The following SNX18 variants were observed in gnomAD, a reference collection of about 807,000 sequenced individuals.
SNX18 encodes sorting nexin-18.
Under a neutral mutation model 48.7 loss-of-function variants are expected in SNX18, and 35 were observed. The ratio of observed to expected loss-of-function variants is 0.72; its 90% CI spans 0.55 to 0.95. SNX18 has a LOEUF of 0.95. Ranked by LOEUF, SNX18 falls within the 40% of genes least tolerant of loss-of-function variation. The pLI is 0.00. For missense variants in SNX18, 824 were observed against 871.0 expected (o/e 0.95, Z 0.68); for synonymous variants, 492 against 384.7 (o/e 1.28, Z -3.26).
the SNX18 span, among the ~76,000 whole-genome samples, chr5:54,632,623 C>T: frequency 3.9e-5 from 6 of 152,190 alleles, no homozygotes; most frequent in South Asian, 2.1e-4. Flanking sequence ...AGACACACAC[C>T]GGGAGCTGTG....
the SNX18 span, among the ~76,000 whole-genome samples, chr5:54,622,741 A>G: frequency 7.2e-5 from 11 of 151,836 alleles, no homozygotes; most frequent in South Asian, 2.3e-3. Flanking sequence ...GTCTATTTAC[A>G]TCTATTAATT....
At chr5:54,524,578 A>G (rs1380803248) in intron 1 of SNX18, among the ~76,000 whole-genome samples, 1 of 152,254 alleles carries the variant, frequency 6.6e-6, no homozygotes, top group African/African-American at 2.4e-5. Context: ...ATAAAAAACT[A>G]TTATTGTATT....
chr5:54,567,125 T>G, the SNX18 span, among the ~76,000 whole-genome samples: 1 of 152,160 alleles, frequency 6.6e-6, no homozygotes, highest in Admixed American at 6.5e-5. Context: ...AATCAAATTT[T>G]GCTAGCTTGG....
chr5:54,586,917 T>C, the SNX18 span, among the ~76,000 whole-genome samples: 1 of 151,748 alleles, frequency 6.6e-6, no homozygotes, highest in Non-Finnish European at 1.5e-5. Context: ...GTCTCACAAA[T>C]ACAGCAGAGG....
the SNX18 span, among the ~76,000 whole-genome samples, chr5:54,566,895 C>T: frequency 5.3e-5 from 8 of 151,966 alleles, no homozygotes; most frequent in African/African-American, 1.7e-4. Context: ...AAATAGTCTA[C>T]GTTCATTACG....
At chr5:54,598,000 T>A in the SNX18 span, among the ~76,000 whole-genome samples, 5 of 152,044 alleles carry the variant, frequency 3.3e-5, no homozygotes, top group East Asian at 9.7e-4. Flanking sequence ...CTAGCTAGAC[T>A]AATAAAGAAG....
chr5:54,567,632 T>G, the SNX18 span, among the ~76,000 whole-genome samples: 3 of 152,204 alleles, frequency 2.0e-5, no homozygotes, highest in African/African-American at 7.2e-5. Flanking sequence ...CTTACTCCCC[T>G]TATACAATCC....
intron 1 of SNX18, among the ~76,000 whole-genome samples, chr5:54,542,272 C>T (rs1246624871): frequency 6.6e-6 from 1 of 152,130 alleles, no homozygotes; most frequent in Non-Finnish European, 1.5e-5. Flanking sequence ...ATGGCACCTG[C>T]CGGAGTGGTC....
intron 1 of SNX18, among the ~76,000 whole-genome samples, chr5:54,539,546 GAGAAAGCC>G (rs796431580): frequency 5.1e-4 from 77 of 152,248 alleles, no homozygotes; most frequent in African/African-American, 1.8e-3. Flanking sequence ...CGTTATCTTG[GAGAAAGCC>G]ATATTCAACT....
At chr5:54,610,692 C>T in the SNX18 span, among the ~76,000 whole-genome samples, 2 of 152,176 alleles carry the variant, frequency 1.3e-5, no homozygotes, top group Non-Finnish European at 2.9e-5. Context: ...TTAGTCAGCT[C>T]TTCCTCTGCC....
rs373247509 is a variant in SNX18, at chr5:54,543,211, C to T, written c.1654C>T (p.His552Tyr). ...TACCAAAGTCAAGGAGAGTAGGCGA[C>T]ACGTGGAGGAAGGGAAGATGGAGGT... ...ALTKVKESRR[H>Y]VEEGKMEVQK... Residue 552 changes from histidine to tyrosine, a missense_variant, in exon 2 of 2, where the codon CAC (histidine) becomes TAC (tyrosine). His to Tyr is a moderately conservative substitution (Grantham distance 83). Around this residue, in one of 3 missense-constraint regions of SNX18, gnomAD observed 443 missense variants for 503.6 expected, o/e 0.88. Transcript: ENST00000381410. 1.2e-6 allele frequency: 2 copies of T among 1,613,854 alleles called. No individual in the cohort carries two copies. The highest frequency in any genetic ancestry group is 1.7e-6 in the Non-Finnish European group (2 of 1,180,004).
the SNX18 span, among the ~76,000 whole-genome samples, chr5:54,585,029 C>T: frequency 0.029 from 4,343 of 152,240 alleles, 193 homozygotes; most frequent in African/African-American, 0.098. Context: ...TGATGGCTCA[C>T]GCCTGTAATC....
rs377663968 is a variant in SNX18, at chr5:54,517,882, C to G, written c.-71C>G. On this transcript the variant is annotated 5_prime_UTR_variant, in exon 1 of 2. Coordinates refer to ENST00000381410, the MANE Select transcript of SNX18 (RefSeq NM_001102575.2). ...TCCGCGCGCCAGGGCTCGAGCAGTA[C>G]CGCGGGCCCCTCAGGTGGGCCTCGG... The G allele has an allele frequency of 2.1e-6, 3 of 1,413,200 alleles. No homozygotes were observed. Among genetic ancestry groups the G allele is most frequent in the South Asian group, 1.5e-5 (1 of 67,342 alleles). 87.5% of individuals were successfully genotyped at this position (1,413,200 alleles called of 1,614,324 possible).
the SNX18 span, among the ~76,000 whole-genome samples, chr5:54,621,963 G>A: frequency 6.6e-6 from 1 of 152,178 alleles, no homozygotes; most frequent in South Asian, 2.1e-4. Flanking sequence ...GTGGGAATTT[G>A]ACCGCTCCAA....
the SNX18 span, among the ~76,000 whole-genome samples, chr5:54,589,475 T>C: frequency 4.6e-5 from 7 of 152,038 alleles, no homozygotes; most frequent in Non-Finnish European, 1.0e-4. Flanking sequence ...ATTAAAGAAG[T>C]GGGGTAAAAA....
chr5:54,592,792 A>T, the SNX18 span, among the ~76,000 whole-genome samples: 1 of 151,260 alleles, frequency 6.6e-6, no homozygotes, highest in Non-Finnish European at 1.5e-5. Context: ...CTTACCCTAG[A>T]AAAATCACAA....
chr5:54,552,964 G>C, the SNX18 span, among the ~76,000 whole-genome samples: 1 of 151,782 alleles, frequency 6.6e-6, no homozygotes, highest in Non-Finnish European at 1.5e-5. Flanking sequence ...GAAGTATGTG[G>C]AAGACCTTGG....
the SNX18 span, among the ~76,000 whole-genome samples, chr5:54,587,670 T>C: frequency 1.3e-5 from 2 of 152,188 alleles, no homozygotes; most frequent in East Asian, 1.9e-4. Context: ...TGCTCTTCTT[T>C]AGTTCACTTG....
chr5:54,575,368 C>CTTT, the SNX18 span, among the ~76,000 whole-genome samples: 458 of 111,696 alleles, frequency 4.1e-3, 4 homozygotes, highest in African/African-American at 0.015. Flanking sequence ...CTCCCCACTG[C>CTTT]TTTTTTTTTT....
Sources: allele counts gnomAD v4.1 joint callset (sites outside exome capture counted in the v4.1 genomes callset), GRCh38; gene constraint gnomAD v4.1.1; regional missense constraint gnomAD v4.1.1; transcripts MANE v1.5; gene names NCBI Gene and HGNC (gene_info 2026-07-23, HGNC 2026-07-21).